The following DPY19L3 variants were observed in gnomAD, a reference collection of about 807,000 sequenced individuals.
DPY19L3 encodes protein C-mannosyl-transferase DPY19L3.
Under a neutral mutation model 92.3 loss-of-function variants are expected in DPY19L3, and 51 were observed. The ratio of observed to expected loss-of-function variants is 0.55; its 90% CI spans 0.44 to 0.70. DPY19L3 has a LOEUF of 0.70. DPY19L3 is among the 30% of genes least tolerant of loss of function. DPY19L3 has a pLI of 0.00. For synonymous variants in DPY19L3, 309 were observed against 315.2 expected, an observed-to-expected ratio of 0.98 and a Z score of 0.21; for missense variants, 706 against 855.9, an observed-to-expected ratio of 0.82 and a Z score of 2.18.
chr19:32,453,862 A>AT, intron 9 of DPY19L3, among the ~76,000 whole-genome samples: 1 of 152,236 alleles, frequency 6.6e-6, no homozygotes, highest in East Asian at 1.9e-4. Context: ...TTTTAGCTTT[A>AT]TTTATATAAT....
chr19:32,445,607 T>C (rs1327350837), intron 8 of DPY19L3, among the ~76,000 whole-genome samples: 1 of 151,636 alleles, frequency 6.6e-6, no homozygotes, highest in South Asian at 2.1e-4. Flanking sequence ...AGAAAGGAAA[T>C]GATAAGGAAT....
chr19:32,434,005 T>G (rs2097215170), intron 4 of DPY19L3, among the ~76,000 whole-genome samples: 1 of 152,196 alleles, frequency 6.6e-6, no homozygotes, highest in South Asian at 2.1e-4. Context: ...TAGAAAACCT[T>G]CTCGTTAATT....
Position 32,463,985 on chromosome 19 carries a change from G to A in DPY19L3, c.1557+5G>A, listed in dbSNP as rs765388017. ...CATCTTTATAACCCAAAGAGGGTCA[G>A]TGTCATCCCTTTTTCCATCTCCTTT... On this transcript the variant is annotated splice_donor_5th_base_variant and intron_variant, in intron 14 of 18. Coordinates refer to ENST00000392250, the MANE Select transcript of DPY19L3 (RefSeq NM_001172774.2). 3.2e-6 allele frequency: 5 copies of A among 1,584,666 alleles called. No homozygotes were observed. Among genetic ancestry groups the A allele is most frequent in the Admixed American group, 1.7e-5 (1 of 58,878 alleles).
At chr19:32,469,912 T>C (rs1568358752) in intron 16 of DPY19L3, among the ~76,000 whole-genome samples, 1 of 152,226 alleles carries the variant, frequency 6.6e-6, no homozygotes, top group African/African-American at 2.4e-5. Context: ...CACATGTAAA[T>C]AGAGGCTGTG....
chr19:32,439,154 G>C lies in DPY19L3; in HGVS notation c.639G>C (p.Glu213Asp). Residue 213 changes from glutamate to aspartate, a missense_variant, in exon 7 of 19, where the codon GAG becomes GAC. Transcript: ENST00000392250. ...TTGAGTTTACCATCCCACTGAGGGA[G>C]AACTGGGCGCTGCCATTCTTTGCAA... ...TRVEFTIPLR[E>D]NWALPFFAIQ... The C allele has an allele frequency of 5.0e-6, 8 of 1,613,540 alleles. No individual in the cohort carries two copies. Among genetic ancestry groups the C allele is most frequent in the Non-Finnish European group, 6.8e-6 (8 of 1,179,562 alleles).
intron 8 of DPY19L3, among the ~76,000 whole-genome samples, chr19:32,450,149 T>A (rs1377647744): frequency 6.6e-6 from 1 of 152,162 alleles, no homozygotes; most frequent in Non-Finnish European, 1.5e-5. Flanking sequence ...TCAGCGTCAT[T>A]AGCTATCAGA....
At chr19:32,406,865 G>T (rs1306186878) in intron 1 of DPY19L3, among the ~76,000 whole-genome samples, 1 of 152,140 alleles carries the variant, frequency 6.6e-6, no homozygotes, top group East Asian at 1.9e-4. Flanking sequence ...ACTTAGGGAG[G>T]ACTCTAGGAT....
chr19:32,430,652 G>C (rs118187646), intron 3 of DPY19L3, among the ~76,000 whole-genome samples: 8 of 151,768 alleles, frequency 5.3e-5, no homozygotes, highest in South Asian at 2.1e-4. Flanking sequence ...GCAGGGTCTC[G>C]CTCTATCATC....
At position 32,471,723 on chromosome 19, in the gene DPY19L3, G is replaced by T. The variant is rs560680077; in HGVS notation, c.1697+2910G>T. 2.6e-5 allele frequency among the ~76,000 whole-genome samples: 4 copies of T among 152,178 alleles called. No individual in the cohort carries two copies. The South Asian group carries it at 8.3e-4, about 32-fold the overall frequency. ...TCTCAGAGGGCTTCTCTGCTTTAAG[G>T]GTAAATTGAAAGATGTGGTTGCCTC... On this transcript the variant is annotated intron_variant, in intron 16 of 18. Transcript: ENST00000392250.
intron 17 of DPY19L3, among the ~76,000 whole-genome samples, chr19:32,477,930 C>T (rs1316485277): frequency 2.0e-5 from 3 of 152,134 alleles, no homozygotes; most frequent in African/African-American, 7.2e-5. Flanking sequence ...ACATGGGTGG[C>T]AGCAAGCAAA....
At chr19:32,458,644 T>G in intron 12 of DPY19L3, 135 bp downstream of exon 12, 1 of 879,534 alleles carries the variant, frequency 1.1e-6, no homozygotes, top group Non-Finnish European at 1.8e-6. Context: ...ATACCTCGTT[T>G]AGAGTGGACT....
intron 16 of DPY19L3, 164 bp downstream of exon 16, chr19:32,468,977 C>T: frequency 1.7e-6 from 1 of 571,748 alleles, no homozygotes; most frequent in Non-Finnish European, 2.7e-6. Flanking sequence ...AAAATAATGT[C>T]TTTCTATTTA....
At chr19:32,447,816 T>TAGATTAGATAGATAGG (rs1555721982) in intron 8 of DPY19L3, among the ~76,000 whole-genome samples, 1 of 89,834 alleles carries the variant, frequency 1.1e-5, no homozygotes, top group Non-Finnish European at 2.3e-5. Context: ...GATAGATAGA[T>TAGATTAGATAGATAGG]TAGATAGATA....
chr19:32,440,418 A>G (rs1425317208), intron 8 of DPY19L3, among the ~76,000 whole-genome samples: 1 of 152,206 alleles, frequency 6.6e-6, no homozygotes, highest in Non-Finnish European at 1.5e-5. Flanking sequence ...ACATTTTTTC[A>G]TGTGCAAAAA....
At chr19:32,465,146 T>A (rs1000697139) in intron 15 of DPY19L3, among the ~76,000 whole-genome samples, 1 of 152,246 alleles carries the variant, frequency 6.6e-6, no homozygotes, top group Admixed American at 6.5e-5. Context: ...AAGAGATTTT[T>A]AAATGTATCT....
chr19:32,451,397 A>C (rs1350426481), intron 8 of DPY19L3, among the ~76,000 whole-genome samples: 2 of 152,136 alleles, frequency 1.3e-5, no homozygotes, highest in African/African-American at 4.8e-5. Flanking sequence ...TGAAGTGTCT[A>C]ACTCTCCTAG....
intron 3 of DPY19L3, among the ~76,000 whole-genome samples, chr19:32,427,316 A>G (rs1188792633): frequency 6.6e-6 from 1 of 152,198 alleles, no homozygotes; most frequent in East Asian, 1.9e-4. Flanking sequence ...TTGTTGGAAC[A>G]TAAACATCTT....
intron 8 of DPY19L3, among the ~76,000 whole-genome samples, chr19:32,444,251 G>A (rs1360350164): frequency 1.3e-5 from 2 of 152,054 alleles, no homozygotes; most frequent in African/African-American, 4.8e-5. Flanking sequence ...CAAAGAAGTA[G>A]AAGATACAAA....
chr19:32,441,461 C>A lies in DPY19L3; in HGVS notation c.855+1551C>A, dbSNP rs59929607. 8.4e-4 allele frequency among the ~76,000 whole-genome samples: 125 copies of A among 148,354 alleles called. 1 individual carries two copies. The East Asian group carries it at 0.018, about 21-fold the overall frequency. ...TGCATATTCTTTTTGTTCTTTAGAT[C>A]TTTTGATTTTTTCTGATAATGAACA... On this transcript the variant is annotated intron_variant, in intron 8 of 18. Transcript: ENST00000392250.
Sources: allele counts gnomAD v4.1 joint callset (sites outside exome capture counted in the v4.1 genomes callset), GRCh38; gene constraint gnomAD v4.1.1; transcripts MANE v1.5; gene names NCBI Gene and HGNC (gene_info 2026-07-23, HGNC 2026-07-21).